Variants in ST6GALNAC5 observed in about 807,000 individuals in gnomAD.
ST6GALNAC5 encodes ST6 N-acetylgalactosaminide alpha-2,6-sialyltransferase 5.
A neutral mutation model predicts 33.6 loss-of-function variants in ST6GALNAC5; 27 were observed. The observed-to-expected ratio is 0.80, with a 90% CI of 0.59 to 1.11. The LOEUF (loss-of-function observed/expected upper bound fraction) is 1.11, where lower values mean the gene tolerates loss of function less well. Ranked by LOEUF, ST6GALNAC5 falls within the 50% of genes least tolerant of loss-of-function variation. ST6GALNAC5 has a pLI of 0.00. For synonymous variants in ST6GALNAC5, 194 were observed against 171.2 expected (o/e 1.13, Z -1.04); for missense variants, 428 against 454.0 (o/e 0.94, Z 0.52).
In ST6GALNAC5 at chr1:76,867,532, G is replaced by C; in HGVS notation, c.-144G>C. ...AACAGCCGCGCTTCCCGGGTCCCGCGGCTCCCGCGCGCGATCTGCCGCGGC... is the reference window on the plus strand; with the variant it reads ...AACAGCCGCGCTTCCCGGGTCCCGCCGCTCCCGCGCGCGATCTGCCGCGGC... On this transcript the variant is annotated 5_prime_UTR_variant, in exon 1 of 5. Coordinates refer to ENST00000477717, the MANE Select transcript of ST6GALNAC5 (RefSeq NM_030965.3). 1 of 1,292,524 alleles carries C rather than the reference G, an allele frequency of 7.7e-7. No individual in the cohort carries two copies. The highest frequency in any genetic ancestry group is 1.1e-6 in the Non-Finnish European group (1 of 891,042). 80.1% of individuals were successfully genotyped at this position (1,292,524 alleles called of 1,614,324 possible).
chr1:76,881,168 C>T (rs79035511), intron 2 of ST6GALNAC5, among the ~76,000 whole-genome samples: 5,927 of 152,164 alleles, frequency 0.039, 200 homozygotes, highest in African/African-American at 0.088. Flanking sequence ...CTTGATCCAA[C>T]GGAAGAACTC....
At chr1:76,956,438 G>T (rs1462895090) in intron 2 of ST6GALNAC5, among the ~76,000 whole-genome samples, 6 of 152,112 alleles carry the variant, frequency 3.9e-5, no homozygotes, top group Admixed American at 3.9e-4. Flanking sequence ...CTGAATTCAG[G>T]CCCAGTAAGA....
At position 76,987,717 on chromosome 1, in the gene ST6GALNAC5, T is replaced by A. The variant is rs189116053; in HGVS notation, c.262-56487T>A. Among the ~76,000 whole-genome samples, 76 of 152,278 alleles carry A rather than the reference T, an allele frequency of 5.0e-4. 2 individuals are homozygous for A. Among genetic ancestry groups the A allele is most frequent in the Admixed American group, 5.0e-3 (76 of 15,274 alleles). Reference sequence around the variant, plus strand: ...GTCCATAAATTGATGAATAGATTAATAAAATGTAGTAACCCATATAATGGA... The same window carrying A: ...GTCCATAAATTGATGAATAGATTAAAAAAATGTAGTAACCCATATAATGGA... On this transcript the variant is annotated intron_variant, in intron 2 of 4. Coordinates refer to ENST00000477717, the MANE Select transcript of ST6GALNAC5 (RefSeq NM_030965.3).
At chr1:76,911,176 C>T (rs1646907868) in intron 2 of ST6GALNAC5, among the ~76,000 whole-genome samples, 2 of 152,086 alleles carry the variant, frequency 1.3e-5, no homozygotes, top group South Asian at 2.1e-4. Flanking sequence ...TTGTCAAAGG[C>T]CTTTTCTGCA....
intron 2 of ST6GALNAC5, among the ~76,000 whole-genome samples, chr1:76,955,285 G>T (rs1647912204): frequency 6.6e-6 from 1 of 152,076 alleles, no homozygotes; most frequent in African/African-American, 2.4e-5. Context: ...CATCTATGTT[G>T]CATACTGTAA....
At chr1:77,039,596 G>C (rs1281146450) in intron 2 of ST6GALNAC5, among the ~76,000 whole-genome samples, 2 of 152,182 alleles carry the variant, frequency 1.3e-5, no homozygotes, top group Non-Finnish European at 2.9e-5. Context: ...AGGGGGTTGG[G>C]TTTCATTCAC....
intron 2 of ST6GALNAC5, among the ~76,000 whole-genome samples, chr1:76,988,307 T>G (rs1649590566): frequency 6.6e-6 from 1 of 152,084 alleles, no homozygotes; most frequent in African/African-American, 2.4e-5. Context: ...TGTCACTATC[T>G]TCTGTGTCCT....
intron 2 of ST6GALNAC5, among the ~76,000 whole-genome samples, chr1:76,999,292 T>A (rs535441124): frequency 1.3e-5 from 2 of 152,160 alleles, no homozygotes; most frequent in Non-Finnish European, 2.9e-5. Context: ...ATCTTGTAAC[T>A]TTTCCAGATA....
chr1:76,963,087 T>C lies in ST6GALNAC5; in HGVS notation c.262-81117T>C, dbSNP rs544081900. ...ACATTTGTGGAAGATCTGGTGAGAATAGAAAACCAGGGAGGTGGGATGACT... is the reference window on the plus strand; with the variant it reads ...ACATTTGTGGAAGATCTGGTGAGAACAGAAAACCAGGGAGGTGGGATGACT... On this transcript the variant is annotated intron_variant, in intron 2 of 4. Coordinates refer to ENST00000477717, the MANE Select transcript of ST6GALNAC5 (RefSeq NM_030965.3). 9.9e-5 allele frequency among the ~76,000 whole-genome samples: 15 copies of C among 152,184 alleles called. No homozygotes were observed. In the South Asian group the frequency reaches 2.3e-3, roughly 23 times the overall value.
intron 2 of ST6GALNAC5, among the ~76,000 whole-genome samples, chr1:76,971,495 A>G (rs1648757731): frequency 6.6e-6 from 1 of 152,220 alleles, no homozygotes; most frequent in Non-Finnish European, 1.5e-5. Context: ...TTCTATATTT[A>G]TTAAGATGAT....
intron 2 of ST6GALNAC5, among the ~76,000 whole-genome samples, chr1:76,961,380 T>C (rs1402082347): frequency 6.6e-6 from 1 of 152,136 alleles, no homozygotes; most frequent in Admixed American, 6.6e-5. Flanking sequence ...GTCTCTGGAA[T>C]GCGAAGAAGA....
intron 2 of ST6GALNAC5, among the ~76,000 whole-genome samples, chr1:76,896,872 G>T (rs1293317351): frequency 6.6e-6 from 1 of 152,148 alleles, no homozygotes; most frequent in Non-Finnish European, 1.5e-5. Flanking sequence ...GCAGACATGA[G>T]GGCTAGGCTA....
chr1:77,015,105 A>C (rs1348519024), intron 2 of ST6GALNAC5, among the ~76,000 whole-genome samples: 1 of 150,818 alleles, frequency 6.6e-6, no homozygotes, highest in Non-Finnish European at 1.5e-5. Flanking sequence ...TTATTATGAG[A>C]AGTTGGCTTA....
At chr1:77,039,753 A>G (rs376691656) in intron 2 of ST6GALNAC5, among the ~76,000 whole-genome samples, 2 of 152,332 alleles carry the variant, frequency 1.3e-5, no homozygotes. Context: ...ATGAGGCTTT[A>G]CGGAAAATGT....
chr1:76,883,812 T>A (rs1174618113), intron 2 of ST6GALNAC5, among the ~76,000 whole-genome samples: 2 of 152,220 alleles, frequency 1.3e-5, no homozygotes, highest in African/African-American at 4.8e-5. Flanking sequence ...CCTAGCATTG[T>A]GTTCAGGACC....
At chr1:76,972,700 C>T (rs754957372) in intron 2 of ST6GALNAC5, among the ~76,000 whole-genome samples, 2 of 152,114 alleles carry the variant, frequency 1.3e-5, no homozygotes, top group Non-Finnish European at 2.9e-5. Flanking sequence ...AAGTGGAGTG[C>T]TGAGTCTACA....
chr1:77,049,184 T>C (rs1018524728), intron 3 of ST6GALNAC5, among the ~76,000 whole-genome samples: 12 of 152,058 alleles, frequency 7.9e-5, no homozygotes, highest in Non-Finnish European at 1.2e-4. Flanking sequence ...ATGAAAATAA[T>C]GATGCAAACT....
chr1:76,929,446 G>A (rs1489149736), intron 2 of ST6GALNAC5, among the ~76,000 whole-genome samples: 1 of 152,140 alleles, frequency 6.6e-6, no homozygotes, highest in African/African-American at 2.4e-5. Flanking sequence ...GGCTGAGACA[G>A]GAGGATTCCT....
chr1:77,015,694 G>A (rs570617912), intron 2 of ST6GALNAC5, among the ~76,000 whole-genome samples: 1 of 152,174 alleles, frequency 6.6e-6, no homozygotes, highest in South Asian at 2.1e-4. Context: ...CAATTTTGGG[G>A]TGGCAGAGGG....
Sources: gnomAD v4.1 joint callset for allele counts (sites outside exome capture counted in the v4.1 genomes callset) on GRCh38, gnomAD v4.1.1 for gene constraint, MANE v1.5 for transcripts, NCBI Gene and HGNC (gene_info 2026-07-23, HGNC 2026-07-21) for gene names.